The following EYS variants were observed in gnomAD, a reference collection of about 807,000 sequenced individuals.
EYS encodes the protein EGF-like photoreceptor maintenance factor, also known as protein eyes shut homolog.
Under a neutral mutation model 282.1 loss-of-function variants are expected in EYS, and 250 were observed. The observed-to-expected ratio is 0.89, with a 90% CI of 0.80 to 0.98. EYS has a LOEUF of 0.98. Ranked by LOEUF, EYS falls within the 50% of genes least tolerant of loss-of-function variation. The probability of loss-of-function intolerance (pLI) is 0.00; values close to 1 mark genes in which losing one functional copy is unlikely to be tolerated. For synonymous variants in EYS, 1,355 were observed against 1,282.9 expected (o/e 1.06, Z -1.20); for missense variants, 4,016 against 3,709.0 (o/e 1.08, Z -2.15).
intron 22 of EYS, chr6:64,733,952 TTTTTAAAGAAATGAAGAAGTA>T (rs1772071710): frequency 6.5e-6 from 1 of 153,680 alleles, no homozygotes. Flanking sequence ...ATTAATTTAT[TTTTTAAAGAAATGAAGAAGTA>T]TTTTTTAAAT....
intron 7 of EYS, among the ~76,000 whole-genome samples, chr6:65,398,237 C>A (rs1766362868): frequency 6.6e-6 from 1 of 151,738 alleles, no homozygotes; most frequent in South Asian, 2.1e-4. Context: ...TAAAATTATA[C>A]TAAAAGGTTA....
intron 12 of EYS, among the ~76,000 whole-genome samples, chr6:65,231,603 T>C (rs1766784343): frequency 6.6e-6 from 1 of 151,852 alleles, no homozygotes; most frequent in African/African-American, 2.4e-5. Context: ...CAGCAAAGGA[T>C]AAATGTGCTA....
chr6:64,825,605 C>G (rs148049671), intron 19 of EYS, among the ~76,000 whole-genome samples: 2 of 151,790 alleles, frequency 1.3e-5, no homozygotes, highest in Admixed American at 6.6e-5. Context: ...TTAGTCCTTG[C>G]GAAGGTGAGA....
At chr6:65,165,541 C>T (rs771404961) in intron 12 of EYS, among the ~76,000 whole-genome samples, 8 of 150,948 alleles carry the variant, frequency 5.3e-5, no homozygotes, top group Non-Finnish European at 1.0e-4. Flanking sequence ...AAATTAGTTG[C>T]ATTTCTTACT....
At chr6:63,917,536 TC>T in intron 35 of EYS, among the ~76,000 whole-genome samples, 1 of 152,376 alleles carries the variant, frequency 6.6e-6, no homozygotes, top group East Asian at 1.9e-4. Flanking sequence ...TTCTTACCTT[TC>T]TTTATGTATT....
At chr6:63,834,150 G>A (rs1049918161) in intron 36 of EYS, among the ~76,000 whole-genome samples, 1 of 152,094 alleles carries the variant, frequency 6.6e-6, no homozygotes, top group Non-Finnish European at 1.5e-5. Context: ...ATAGGCAGGG[G>A]CAAGGACTTC....
intron 1 of EYS, among the ~76,000 whole-genome samples, chr6:65,688,796 G>C (rs1769127056): frequency 6.6e-6 from 1 of 151,222 alleles, no homozygotes; most frequent in Non-Finnish European, 1.5e-5. Flanking sequence ...CTGGCCATCA[G>C]AGAAATGCAA....
At chr6:64,407,169 A>G (rs1474720247) in intron 28 of EYS, among the ~76,000 whole-genome samples, 1 of 152,166 alleles carries the variant, frequency 6.6e-6, no homozygotes, top group Admixed American at 6.6e-5. Flanking sequence ...GGAGCAGGAA[A>G]CCATCATTCT....
chr6:64,035,743 A>G (rs1488940194), intron 33 of EYS, among the ~76,000 whole-genome samples: 1 of 152,158 alleles, frequency 6.6e-6, no homozygotes, highest in Non-Finnish European at 1.5e-5. Flanking sequence ...TGTCATCCTA[A>G]ATGCTTTTTT....
intron 30 of EYS, among the ~76,000 whole-genome samples, chr6:64,240,180 G>T (rs1040191846): frequency 6.6e-6 from 1 of 152,168 alleles, no homozygotes; most frequent in African/African-American, 2.4e-5. Context: ...TTTGAAGTCA[G>T]GTAGTGTGAT....
chr6:64,233,598 T>C (rs1027109922), intron 30 of EYS, among the ~76,000 whole-genome samples: 4 of 152,180 alleles, frequency 2.6e-5, no homozygotes, highest in Non-Finnish European at 5.9e-5. Flanking sequence ...AAATCATAAA[T>C]GTATGAGAGT....
At chr6:65,707,083 T>C (rs1769906131) in intron 1 of EYS, 52 bp downstream of exon 1, 2 of 152,158 alleles carry the variant, frequency 1.3e-5, no homozygotes, top group Non-Finnish European at 2.9e-5. Flanking sequence ...TAGGCAGTGT[T>C]TTTATCTAGT....
At chr6:65,084,816 T>C (rs1183520209) in intron 12 of EYS, among the ~76,000 whole-genome samples, 2 of 152,112 alleles carry the variant, frequency 1.3e-5, no homozygotes, top group Non-Finnish European at 2.9e-5. Flanking sequence ...GAAAAAACTA[T>C]AGCATACAGC....
At chr6:65,569,293 C>T (rs1764397477) in intron 2 of EYS, among the ~76,000 whole-genome samples, 1 of 152,026 alleles carries the variant, frequency 6.6e-6, no homozygotes, top group East Asian at 1.9e-4. Flanking sequence ...AAAACGGCCC[C>T]ACCCTTATTT....
Position 65,339,757 on chromosome 6 carries a change from G to C in EYS, c.1599+4281C>G, listed in dbSNP as rs138325108. ...TTGCTCTGTGAGTAGGCCTTCTGTA[G>C]AGTACACAGGGAAGTAAGAGTACTA... On this transcript the variant is annotated intron_variant, in intron 10 of 42. Transcript: ENST00000503581. Among the ~76,000 whole-genome samples, 35 of 151,202 alleles carry C rather than the reference G, an allele frequency of 2.3e-4. No individual in the cohort carries two copies. The East Asian group carries it at 6.2e-3, about 27-fold the overall frequency.
At chr6:65,508,570 A>G (rs1766745797) in intron 2 of EYS, among the ~76,000 whole-genome samples, 1 of 149,982 alleles carries the variant, frequency 6.7e-6, no homozygotes. Flanking sequence ...GCTAGTCAGG[A>G]GGCTGAGGCA....
At position 65,275,495 on chromosome 6, in the gene EYS, C is replaced by T. The variant is rs139412609; in HGVS notation, c.2023+20368G>A. ...GTGGCCCAAATGCCCATGGTTGCCACTTCTGCCACACTGTCTTCTCTCTTT... is the reference window on the plus strand; with the variant it reads ...GTGGCCCAAATGCCCATGGTTGCCATTTCTGCCACACTGTCTTCTCTCTTT... On this transcript the variant is annotated intron_variant, in intron 12 of 42. Coordinates refer to ENST00000503581, the MANE Select transcript of EYS (RefSeq NM_001142800.2). Among the ~76,000 whole-genome samples, 25 of 152,302 alleles carry T rather than the reference C, an allele frequency of 1.6e-4. No individual in the cohort carries two copies. In the East Asian group the frequency reaches 3.7e-3, roughly 22 times the overall value.
At chr6:63,908,580 A>G (rs1773841066) in intron 35 of EYS, among the ~76,000 whole-genome samples, 1 of 151,956 alleles carries the variant, frequency 6.6e-6, no homozygotes, top group Non-Finnish European at 1.5e-5. Flanking sequence ...CCTCCTGAGT[A>G]GCTGGGATTA....
chr6:65,459,992 A>T (rs886848663), intron 5 of EYS, among the ~76,000 whole-genome samples: 1 of 138,048 alleles, frequency 7.2e-6, no homozygotes, highest in African/African-American at 2.6e-5. Context: ...ATATATATAT[A>T]TATATATATA....
Sources: gnomAD v4.1 joint callset for allele counts (sites outside exome capture counted in the v4.1 genomes callset) on GRCh38, gnomAD v4.1.1 for gene constraint, MANE v1.5 for transcripts, NCBI Gene and HGNC (gene_info 2026-07-23, HGNC 2026-07-21) for gene names.